WDR27: variants seen among roughly 807,000 people sequenced by gnomAD.
WDR27 encodes WD repeat-containing protein 27.
In WDR27, 100 loss-of-function variants were observed where a neutral mutation model predicts 114.4. That is an observed-to-expected ratio of 0.87 (90% CI 0.74 to 1.03). The LOEUF (loss-of-function observed/expected upper bound fraction) is 1.03. Among genes scored for constraint, WDR27 ranks in the 50% least tolerant of loss-of-function variants. The probability of loss-of-function intolerance (pLI) is 0.00; values close to 1 mark genes in which losing one functional copy is unlikely to be tolerated. For missense variants in WDR27, 1,129 were observed against 1,092.9 expected, an observed-to-expected ratio of 1.03 and a Z score of -0.47; for synonymous variants, 449 against 423.1, an observed-to-expected ratio of 1.06 and a Z score of -0.75.
intron 20 of WDR27, among the ~76,000 whole-genome samples, chr6:169,633,575 T>C (rs1358796821): frequency 6.6e-6 from 1 of 151,990 alleles, no homozygotes. Flanking sequence ...TGAGGAGCAA[T>C]GTGTACATTT....
rs182637750 is a variant in WDR27, at chr6:169,469,338, C to A, written c.2646-11704G>T. The stretch of plus-strand genomic sequence containing the variant: ...AGGCATAACATAGACATTCCCATCC[C>A]AAAAGGGAGAAACAGGAAAGAAGGA... On this transcript the variant is annotated intron_variant, in intron 25 of 25. Transcript: ENST00000448612. Among the ~76,000 whole-genome samples the A allele has an allele frequency of 2.8e-3, 429 of 152,292 alleles. 1 individual carries two copies. The highest frequency in any genetic ancestry group is 1.0e-2 in the African/African-American group (414 of 41,550).
chr6:169,488,163 G>A (rs1164189324), intron 25 of WDR27, among the ~76,000 whole-genome samples: 1 of 152,190 alleles, frequency 6.6e-6, no homozygotes, highest in Non-Finnish European at 1.5e-5. Context: ...GAAATCCACA[G>A]CATTTACTTG....
At chr6:169,499,092 T>G (rs1459607611) in intron 25 of WDR27, among the ~76,000 whole-genome samples, 1 of 152,170 alleles carries the variant, frequency 6.6e-6, no homozygotes, top group African/African-American at 2.4e-5. Flanking sequence ...CATGGAAACG[T>G]CCTCATGTTG....
At chr6:169,629,764 T>C (rs1399615118) in intron 21 of WDR27, among the ~76,000 whole-genome samples, 1 of 151,502 alleles carries the variant, frequency 6.6e-6, no homozygotes, top group Admixed American at 6.6e-5. Context: ...CCCTCTCTAC[T>C]AAAAACACAA....
intron 18 of WDR27, among the ~76,000 whole-genome samples, chr6:169,637,408 A>G (rs1156486494): frequency 6.6e-6 from 1 of 152,266 alleles, no homozygotes; most frequent in Admixed American, 6.5e-5. Context: ...AACCATATGA[A>G]TGTATGCATG....
At chr6:169,442,616 G>T in the WDR27 span, among the ~76,000 whole-genome samples, 1 of 152,080 alleles carries the variant, frequency 6.6e-6, no homozygotes, top group Admixed American at 6.5e-5. Flanking sequence ...TCAAGAATTT[G>T]TCTTCTCATG....
At chr6:169,667,056 T>C (rs537127175) in intron 6 of WDR27, 80 bp downstream of exon 6, 1 of 1,400,728 alleles carries the variant, frequency 7.1e-7, no homozygotes, top group African/African-American at 1.5e-5. Flanking sequence ...CCCAGCTCCA[T>C]CTTATGCCCT....
chr6:169,670,882 G>A, intron 3 of WDR27, 189 bp from the exon 4 acceptor site: 1 of 720,250 alleles, frequency 1.4e-6, no homozygotes. Flanking sequence ...TGAAAACCTG[G>A]GGAATGCAGC....
chr6:169,434,549 T>C, the WDR27 span, among the ~76,000 whole-genome samples: 3 of 152,158 alleles, frequency 2.0e-5, no homozygotes, highest in Non-Finnish European at 2.9e-5. Context: ...CTTGGTTCCA[T>C]ATGAAATTTA....
At chr6:169,557,912 A>G (rs1799147922) in intron 25 of WDR27, among the ~76,000 whole-genome samples, 1 of 152,204 alleles carries the variant, frequency 6.6e-6, no homozygotes, top group Non-Finnish European at 1.5e-5. Context: ...TTAGACTTGA[A>G]AAAACATATT....
chr6:169,543,276 A>G lies in WDR27; in HGVS notation c.2645+29143T>C, dbSNP rs572776957. Among the ~76,000 whole-genome samples the G allele has an allele frequency of 4.6e-5, 7 of 152,264 alleles. No individual in the cohort carries two copies. In the South Asian group the frequency reaches 1.4e-3, roughly 32 times the overall value. ...ACACCAATAAATCTGAACACTCAGC[A>G]CATAGGCAAAGTTCTAGAGAAATGT... is the stretch of plus-strand genomic sequence containing the variant. On this transcript the variant is annotated intron_variant, in intron 25 of 25. Coordinates refer to ENST00000448612, the MANE Select transcript of WDR27 (RefSeq NM_182552.5).
intron 2 of WDR27, among the ~76,000 whole-genome samples, chr6:169,688,233 CA>C (rs1783540132): frequency 6.6e-6 from 1 of 152,106 alleles, no homozygotes; most frequent in African/African-American, 2.4e-5. Context: ...GGATGAACCT[CA>C]TAAACATGCT....
chr6:169,461,918 T>C (rs1279202388), intron 25 of WDR27, among the ~76,000 whole-genome samples: 1 of 152,038 alleles, frequency 6.6e-6, no homozygotes, highest in Non-Finnish European at 1.5e-5. Flanking sequence ...AGTGAGTAAT[T>C]TGAGTAATTA....
Position 169,659,277 on chromosome 6 carries a change from C to G in WDR27, c.1198-70G>C, listed in dbSNP as rs564097066. ...AAAGCAGACGAAACGTGCATCCGCACACGTATCCTAACAGCTGCTTCATTC... is the reference window on the plus strand; with the variant it reads ...AAAGCAGACGAAACGTGCATCCGCAGACGTATCCTAACAGCTGCTTCATTC... On this transcript the variant is annotated intron_variant, in intron 11 of 25. Transcript: ENST00000448612. The surrounding 1 kb of genome is among the most constrained non-coding windows in gnomAD (Gnocchi z 4.3). The G allele has an allele frequency of 1.9e-5, 29 of 1,558,266 alleles. No individual in the cohort carries two copies. In the East Asian group the frequency reaches 6.5e-4, roughly 35 times the overall value.
chr6:169,625,657 G>T (rs2128206140), intron 21 of WDR27, among the ~76,000 whole-genome samples: 1 of 152,350 alleles, frequency 6.6e-6, no homozygotes, highest in South Asian at 2.1e-4. Flanking sequence ...CCGGCAGGCA[G>T]GTGCAGTCGG....
intron 25 of WDR27, among the ~76,000 whole-genome samples, chr6:169,504,046 T>TA (rs1454089379): frequency 6.6e-6 from 1 of 152,030 alleles, no homozygotes; most frequent in East Asian, 1.9e-4. Context: ...TTACAATTCA[T>TA]AAAAAATCGG....
chr6:169,623,693 T>C (rs1001978514), intron 21 of WDR27, among the ~76,000 whole-genome samples: 3 of 152,172 alleles, frequency 2.0e-5, no homozygotes, highest in African/African-American at 7.2e-5. Flanking sequence ...GAAAAACTGG[T>C]CATTTACTTA....
intron 24 of WDR27, among the ~76,000 whole-genome samples, chr6:169,582,265 G>A (rs1203156538): frequency 2.6e-5 from 4 of 152,168 alleles, no homozygotes; most frequent in Non-Finnish European, 4.4e-5. Flanking sequence ...GTGAGCCACT[G>A]CGCCTGGCCA....
intron 13 of WDR27, among the ~76,000 whole-genome samples, chr6:169,653,706 G>A (rs115553893): frequency 0.021 from 3,138 of 152,248 alleles, 56 homozygotes; most frequent in African/African-American, 0.057. Context: ...GAAGAAATAT[G>A]TGCTTCATTT....
Sources: allele counts gnomAD v4.1 joint callset (sites outside exome capture counted in the v4.1 genomes callset), GRCh38; gene constraint gnomAD v4.1.1; non-coding constraint Gnocchi (gnomAD v3.1); transcripts MANE v1.5; gene names NCBI Gene and HGNC (gene_info 2026-07-23, HGNC 2026-07-21).